Variants in LRRC1 observed in about 807,000 individuals in gnomAD.
The protein encoded by LRRC1 is leucine rich repeat containing 1.
LRRC1 carries 28 observed loss-of-function variants against 69.9 expected under a neutral mutation model. The ratio of observed to expected loss-of-function variants is 0.40; its 90% confidence interval spans 0.30 to 0.55. The LOEUF is 0.55. LRRC1 is among the 20% of genes least tolerant of loss of function. The pLI is 0.47. For synonymous variants in LRRC1, 236 were observed against 240.2 expected (o/e 0.98, Z 0.16); for missense variants, 498 against 609.0 (o/e 0.82, Z 1.92).
chr6:53,795,833 G>A (rs1286634932), intron 1 of LRRC1, among the ~76,000 whole-genome samples: 2 of 152,224 alleles, frequency 1.3e-5, no homozygotes, highest in Non-Finnish European at 2.9e-5. Flanking sequence ...CAAGGGCCGG[G>A]CGCGCCTCTC....
chr6:53,906,746 T>A (rs1768251807), intron 10 of LRRC1, among the ~76,000 whole-genome samples: 1 of 152,218 alleles, frequency 6.6e-6, no homozygotes, highest in Non-Finnish European at 1.5e-5. Context: ...TTAGTCATAT[T>A]TTGTCCATTT....
chr6:53,891,997 A>ATAT (rs1464242685), intron 4 of LRRC1, among the ~76,000 whole-genome samples: 16 of 60,364 alleles, frequency 2.7e-4, no homozygotes, highest in African/African-American at 8.7e-4. Flanking sequence ...GTCTAAAAAA[A>ATAT]AAATATATAT....
intron 2 of LRRC1, among the ~76,000 whole-genome samples, chr6:53,860,172 A>G (rs1766448812): frequency 1.3e-5 from 2 of 152,232 alleles, no homozygotes; most frequent in South Asian, 2.1e-4. Flanking sequence ...TGAATTTTCT[A>G]TAATTTGTAA....
At chr6:53,857,575 C>T (rs1475875308) in intron 2 of LRRC1, among the ~76,000 whole-genome samples, 1 of 152,146 alleles carries the variant, frequency 6.6e-6, no homozygotes, top group African/African-American at 2.4e-5. Context: ...GGCAGGGAAA[C>T]AAAGAAATTC....
chr6:53,889,728 C>A (rs1767614140), intron 4 of LRRC1, among the ~76,000 whole-genome samples: 1 of 152,016 alleles, frequency 6.6e-6, no homozygotes, highest in South Asian at 2.1e-4. Context: ...TTCTATACCT[C>A]CTGAATAAAT....
chr6:53,845,087 C>G (rs1765900783), intron 2 of LRRC1, among the ~76,000 whole-genome samples: 1 of 152,118 alleles, frequency 6.6e-6, no homozygotes, highest in Non-Finnish European at 1.5e-5. Context: ...GCCTGTAATC[C>G]CAGCTCCTCA....
chr6:53,851,933 G>C (rs562693737), intron 2 of LRRC1, among the ~76,000 whole-genome samples: 1 of 152,182 alleles, frequency 6.6e-6, no homozygotes, highest in Non-Finnish European at 1.5e-5. Context: ...AAGTGTTTGC[G>C]ACTTTTTTAT....
chr6:53,882,254 A>G (rs2127431193), intron 3 of LRRC1, among the ~76,000 whole-genome samples: 1 of 152,346 alleles, frequency 6.6e-6, no homozygotes, highest in East Asian at 1.9e-4. Context: ...AAGCTAAGGC[A>G]GGAGACTCGC....
intron 8 of LRRC1, among the ~76,000 whole-genome samples, chr6:53,900,460 G>A (rs1449001151): frequency 1.3e-5 from 2 of 152,222 alleles, no homozygotes; most frequent in African/African-American, 2.4e-5. Flanking sequence ...TTTAAGCATC[G>A]ATTCATCTCT....
chr6:53,889,722 A>T (rs1353670282), intron 4 of LRRC1, among the ~76,000 whole-genome samples: 2 of 152,166 alleles, frequency 1.3e-5, no homozygotes, highest in Non-Finnish European at 2.9e-5. Flanking sequence ...TGATGTTTCT[A>T]TACCTCCTGA....
rs1215787076 is a variant in LRRC1 at position 53,842,139 on chromosome 6, G to T, written c.189G>T (p.Lys63Asn). The T allele has an allele frequency of 6.2e-7, 1 of 1,613,628 alleles. No individual in the cohort carries two copies. Among genetic ancestry groups the T allele is most frequent in the Admixed American group, 1.7e-5 (1 of 59,974 alleles). The change falls in exon 2 of 14, where the codon AAG (lysine) becomes AAT (asparagine). Residue 63 changes from lysine (K) to asparagine (N), a missense_variant. This residue lies in a region of LRRC1 where 266 missense variants were observed against 383.9 expected (regional missense o/e 0.69). Coordinates refer to ENST00000370888, the MANE Select transcript of LRRC1 (RefSeq NM_018214.5). ...TTTTCCAGCTAGTCAAATTACGAAAGCTTGGACTTAGTGATAATGAAATTC... is the reference window on the plus strand; with the variant it reads ...TTTTCCAGCTAGTCAAATTACGAAATCTTGGACTTAGTGATAATGAAATTC... ...EQFFQLVKLR[K>N]LGLSDNEIQR...
intron 1 of LRRC1, among the ~76,000 whole-genome samples, chr6:53,827,995 T>C (rs1332248936): frequency 6.6e-6 from 1 of 152,156 alleles, no homozygotes; most frequent in Non-Finnish European, 1.5e-5. Context: ...TGAGAAGACC[T>C]GTTTATGCTG....
At chr6:53,860,338 A>T (rs937351234) in intron 2 of LRRC1, among the ~76,000 whole-genome samples, 9 of 152,236 alleles carry the variant, frequency 5.9e-5, no homozygotes, top group Non-Finnish European at 1.3e-4. Flanking sequence ...GATAATACCA[A>T]TTTCAATGTG....
chr6:53,832,064 A>C (rs138891172), intron 1 of LRRC1, among the ~76,000 whole-genome samples: 1 of 152,322 alleles, frequency 6.6e-6, no homozygotes, highest in East Asian at 1.9e-4. Flanking sequence ...TTCCTAACGC[A>C]GTTCCTCTGA....
At chr6:53,799,111 G>C (rs775974791) in intron 1 of LRRC1, among the ~76,000 whole-genome samples, 4 of 152,298 alleles carry the variant, frequency 2.6e-5, no homozygotes, top group South Asian at 4.1e-4. Context: ...TATACTAAAG[G>C]CTTCATAGCT....
intron 10 of LRRC1, among the ~76,000 whole-genome samples, chr6:53,908,072 T>C (rs1202512108): frequency 6.6e-6 from 1 of 152,190 alleles, no homozygotes; most frequent in Non-Finnish European, 1.5e-5. Context: ...TAAAAACTCA[T>C]AGTGTTGGTG....
chr6:53,903,983 T>G (rs1768150168), intron 9 of LRRC1, among the ~76,000 whole-genome samples: 1 of 152,206 alleles, frequency 6.6e-6, no homozygotes, highest in African/African-American at 2.4e-5. Flanking sequence ...GGGTGCTGAT[T>G]CCCTGCCCCA....
Position 53,919,528 on chromosome 6 carries a change from C to T in LRRC1, c.1137C>T (p.Ala379=). The T allele has an allele frequency of 6.2e-7, 1 of 1,607,154 alleles. No individual in the cohort carries two copies. The highest frequency in any genetic ancestry group is 2.2e-5 in the East Asian group (1 of 44,546). ...RLLHLPLSLT[A]LKLKALWLSD... ...TGCATCTACCTTTATCCCTGACTGC[C>T]TTGAAGTTGAAGGCTCTGTGGCTAT... is the stretch of plus-strand genomic sequence containing the variant. The change falls in exon 12 of 14, where the codon GCC becomes GCT. Residue 379 remains alanine (A), a synonymous_variant. Transcript: ENST00000370888.
Position 53,902,619 on chromosome 6 carries a change from G to T in LRRC1, c.788-10G>T, listed in dbSNP as rs764000567. The T allele has an allele frequency of 1.3e-6, 2 of 1,487,808 alleles. No individual in the cohort carries two copies. Among genetic ancestry groups the T allele is most frequent in the East Asian group, 2.3e-5 (1 of 43,844 alleles). 92.2% of individuals were successfully genotyped at this position (1,487,808 alleles called of 1,614,324 possible). A position where few individuals can be genotyped will look rare whatever the true frequency, so the allele number is the denominator to read the frequency against. On this transcript the variant is annotated splice_polypyrimidine_tract_variant and intron_variant, in intron 8 of 13. Transcript: ENST00000370888. ...TGAATTTGATAATAATAATCATAAT[G>T]CTTTTACAGGAAAACTAAAGAAACT...
Sources: allele counts gnomAD v4.1 joint callset (sites outside exome capture counted in the v4.1 genomes callset), GRCh38; gene constraint gnomAD v4.1.1; regional missense constraint gnomAD v4.1.1; transcripts MANE v1.5; gene names NCBI Gene and HGNC (gene_info 2026-07-23, HGNC 2026-07-21).